Variants in USP3 observed in about 807,000 individuals in gnomAD.
USP3 encodes the protein ubiquitin specific peptidase 3, also known as ubiquitin carboxyl-terminal hydrolase 3.
A neutral mutation model predicts 72.3 loss-of-function variants in USP3; 20 were observed. The ratio of observed to expected loss-of-function variants is 0.28; its 90% CI spans 0.19 to 0.40. USP3 has a LOEUF of 0.40. USP3 is among the 10% of genes least tolerant of loss of function. The pLI, the probability that USP3 is intolerant of heterozygous loss-of-function variation, is 1.00. For missense variants in USP3, 479 were observed against 633.9 expected, an observed-to-expected ratio of 0.76 and a Z score of 2.62; for synonymous variants, 222 against 225.3, an observed-to-expected ratio of 0.99 and a Z score of 0.13.
chr15:63,568,541 T>C (rs2066730844), intron 8 of USP3, among the ~76,000 whole-genome samples: 1 of 152,196 alleles, frequency 6.6e-6, no homozygotes, highest in Non-Finnish European at 1.5e-5. Context: ...ATGTGAGGAC[T>C]GTTTCCTTTA....
chr15:63,504,946 C>T (rs897147198), intron 1 of USP3, 116 bp downstream of exon 1: 7 of 743,906 alleles, frequency 9.4e-6, no homozygotes, highest in Non-Finnish European at 1.2e-5. Flanking sequence ...CGAGGGCGAG[C>T]CGGGCCCGGC....
Position 63,511,266 on chromosome 15 carries a change from T to TAA in USP3, c.91+6451_91+6452dup, listed in dbSNP as rs61283920. Among the ~76,000 whole-genome samples the TAA allele has an allele frequency of 4.2e-4, 18 of 42,864 alleles. 1 individual carries two copies. The highest frequency in any genetic ancestry group is 1.7e-3 in the South Asian group (1 of 582). 28.1% of individuals were successfully genotyped at this position (42,864 alleles called of 152,430 possible). A position where few individuals can be genotyped will look rare whatever the true frequency, so the allele number is the denominator to read the frequency against. ...TTCAGACTTTTAGCTTGCTTTTTCT[T>TAA]AAAAAAAAAAAAAAAAGAGTCTTTA... On this transcript the variant is annotated intron_variant, in intron 1 of 14. Transcript: ENST00000380324.
rs946984578 is a variant in USP3, at chr15:63,544,224, T to G, written c.284+7068T>G. On this transcript the variant is annotated intron_variant, in intron 3 of 14. Transcript: ENST00000380324. This position sits in a 1 kb window ranked among gnomAD's most constrained non-coding sequence, Gnocchi z 4.2. ...TAATACAAATATATACATATATATA[T>G]AGAATATATATAGAGAGGGTAGTGG... 4.7e-5 allele frequency: 7 copies of G among 148,860 alleles called. No homozygotes were observed. The highest frequency in any genetic ancestry group is 1.3e-4 in the Admixed American group (2 of 14,868). 9.2% of individuals were successfully genotyped at this position (148,860 alleles called of 1,614,324 possible).
intron 5 of USP3, among the ~76,000 whole-genome samples, chr15:63,557,188 A>G (rs1189021721): frequency 1.3e-5 from 2 of 152,146 alleles, no homozygotes; most frequent in South Asian, 2.1e-4. Flanking sequence ...CTCCTGCCAC[A>G]GCCTCCCAAG....
At chr15:63,533,363 C>T (rs2066107202) in intron 2 of USP3, among the ~76,000 whole-genome samples, 1 of 147,810 alleles carries the variant, frequency 6.8e-6, no homozygotes, top group East Asian at 1.9e-4. Context: ...CACCCCACCC[C>T]AGTTTAAACC....
Position 63,590,908 on chromosome 15 carries a change from T to G in USP3, c.*82T>G. On this transcript the variant is annotated 3_prime_UTR_variant, in exon 15 of 15. Coordinates refer to ENST00000380324, the MANE Select transcript of USP3 (RefSeq NM_006537.4). Reference sequence around the variant, plus strand: ...ACAAATACTTGATACAAGATTTAATTTCATTATGCACTTTTCAATTTCCTA... The same window carrying G: ...ACAAATACTTGATACAAGATTTAATGTCATTATGCACTTTTCAATTTCCTA... The G allele has an allele frequency of 1.4e-6, 2 of 1,464,844 alleles. No individual in the cohort carries two copies. The highest frequency in any genetic ancestry group is 1.8e-6 in the Non-Finnish European group (2 of 1,098,538). The allele number at this position is 1,464,844 out of a possible 1,614,324, so 90.7% of individuals were successfully genotyped here. A position where few individuals can be genotyped will look rare whatever the true frequency, so the allele number is the denominator to read the frequency against.
At position 63,504,849 on chromosome 15, in the gene USP3, CG is replaced by C. The variant is rs755849588; in HGVS notation, c.91+21del. On this transcript the variant is annotated intron_variant, in intron 1 of 14. Transcript: ENST00000380324. ...TGCAGCGGTGAGTGCGGCCACGGGC[CG>C]GCCCCGCAGCGCACCCGAGGCCGCG... 9 of 1,581,796 alleles carry C rather than the reference CG, an allele frequency of 5.7e-6. No homozygotes were observed. The highest frequency in any genetic ancestry group is 1.7e-5 in the Admixed American group (1 of 57,450).
rs1366294663 is a variant in USP3, at chr15:63,529,270, C to T, written c.92-3377C>T. The T allele has an allele frequency of 7.9e-6, 3 of 381,892 alleles. No individual in the cohort carries two copies. The highest frequency in any genetic ancestry group is 1.5e-5 in the Non-Finnish European group (3 of 200,442). The allele number at this position is 381,892 out of a possible 1,614,324, so 23.7% of individuals were successfully genotyped here. ...ATTTTGGAAGTCAGTACTTTATTCC[C>T]TTTTACTTTCTCTCCTTATCATTAC... On this transcript the variant is annotated intron_variant, in intron 1 of 14. Transcript: ENST00000380324. The surrounding 1 kb of genome is among the most constrained non-coding windows in gnomAD (Gnocchi z 4.2).
chr15:63,583,481 G>T (rs1185144884), intron 11 of USP3, among the ~76,000 whole-genome samples: 1 of 152,172 alleles, frequency 6.6e-6, no homozygotes, highest in Admixed American at 6.5e-5. Context: ...TTAAAAAATT[G>T]TGGTAAAATA....
chr15:63,513,463 T>C (rs1799572012), intron 1 of USP3, among the ~76,000 whole-genome samples: 1 of 152,202 alleles, frequency 6.6e-6, no homozygotes, highest in South Asian at 2.1e-4. Flanking sequence ...CGTTACAGCC[T>C]GGAACTCGCG....
chr15:63,532,831 T>C (rs1425425174), intron 2 of USP3, 124 bp downstream of exon 2: 2 of 977,288 alleles, frequency 2.0e-6, no homozygotes, highest in African/African-American at 1.6e-5. Flanking sequence ...TAATTCCCTG[T>C]AGGGCTTCCT....
At chr15:63,513,652 G>C (rs746943157) in intron 1 of USP3, among the ~76,000 whole-genome samples, 1 of 152,202 alleles carries the variant, frequency 6.6e-6, no homozygotes, top group Non-Finnish European at 1.5e-5. Flanking sequence ...TGGGATTACA[G>C]ATATGAGCCA....
At chr15:63,551,025 T>G (rs931928581) in intron 3 of USP3, among the ~76,000 whole-genome samples, 3 of 152,178 alleles carry the variant, frequency 2.0e-5, no homozygotes, top group Non-Finnish European at 4.4e-5. Context: ...ATCCAAGCTG[T>G]TTTATAGCTG....
chr15:63,537,146 A>AGT lies in USP3; in HGVS notation c.275_276dup (p.Thr93ValfsTer51). 1 of 1,612,040 alleles carries AGT rather than the reference A, an allele frequency of 6.2e-7. No homozygotes were observed. Among genetic ancestry groups the AGT allele is most frequent in the Non-Finnish European group, 8.5e-7 (1 of 1,179,376 alleles). ...AGTATGTATGGATTGCAGTAGCTAC[A>AGT]GTACATACTGGTAAGTTAACATTTT... is the stretch of plus-strand genomic sequence containing the variant. On this transcript the variant is annotated frameshift_variant, in exon 3 of 15. Transcript: ENST00000380324. LOFTEE classifies it high-confidence loss of function.
intron 3 of USP3, among the ~76,000 whole-genome samples, chr15:63,552,588 G>C (rs763424305): frequency 5.3e-5 from 8 of 152,160 alleles, no homozygotes; most frequent in South Asian, 2.1e-4. Flanking sequence ...GTTAATGAGA[G>C]TGTGTGTTAA....
chr15:63,561,316 T>A (rs1245031405), intron 7 of USP3, among the ~76,000 whole-genome samples: 2 of 152,128 alleles, frequency 1.3e-5, no homozygotes, highest in Non-Finnish European at 2.9e-5. Flanking sequence ...TTTGGCTGAT[T>A]TAGGCAGCAA....
chr15:63,505,240 C>G (rs1398203423), intron 1 of USP3, among the ~76,000 whole-genome samples: 1 of 152,094 alleles, frequency 6.6e-6, no homozygotes, highest in Non-Finnish European at 1.5e-5. Context: ...TGGCGGGGCC[C>G]GCGCCGCGCT....
At chr15:63,530,100 G>A (rs1440702946) in intron 1 of USP3, among the ~76,000 whole-genome samples, 17 of 152,178 alleles carry the variant, frequency 1.1e-4, no homozygotes, top group African/African-American at 4.1e-4. Flanking sequence ...TCATGCCACT[G>A]CAATCCAGCC....
chr15:63,510,559 A>G (rs1483222086), intron 1 of USP3, among the ~76,000 whole-genome samples: 3 of 152,134 alleles, frequency 2.0e-5, no homozygotes, highest in Non-Finnish European at 2.9e-5. Context: ...TTGATATTTT[A>G]TGTTTATTCA....
Sources: allele counts gnomAD v4.1 joint callset (sites outside exome capture counted in the v4.1 genomes callset), GRCh38; gene constraint gnomAD v4.1.1; non-coding constraint Gnocchi (gnomAD v3.1); transcripts MANE v1.5; gene names NCBI Gene and HGNC (gene_info 2026-07-23, HGNC 2026-07-21).